FAM13C: variants seen among roughly 807,000 people sequenced by gnomAD.
The protein encoded by FAM13C is family with sequence similarity 13 member C.
In FAM13C, 37 loss-of-function variants were observed where a neutral mutation model predicts 73.2. The observed-to-expected ratio is 0.51, with a 90% CI of 0.39 to 0.67. The LOEUF (loss-of-function observed/expected upper bound fraction) is 0.67, where lower values mean the gene tolerates loss of function less well. FAM13C is among the 30% of genes least tolerant of loss of function. The probability of loss-of-function intolerance (pLI) is 0.00; values close to 1 mark genes in which losing one functional copy is unlikely to be tolerated. For synonymous variants in FAM13C, 246 were observed against 260.9 expected (o/e 0.94, Z 0.55); for missense variants, 589 against 715.6 (o/e 0.82, Z 2.02).
chr10:59,340,950 G>T (rs1224616609), intron 3 of FAM13C, among the ~76,000 whole-genome samples: 2 of 151,998 alleles, frequency 1.3e-5, no homozygotes, highest in East Asian at 3.9e-4. Flanking sequence ...CGCTCTCTGG[G>T]TTCCTAAATC....
chr10:59,268,513 C>A (rs1394975857), intron 8 of FAM13C, 40 bp downstream of exon 8: 1 of 1,608,680 alleles, frequency 6.2e-7, no homozygotes, highest in Non-Finnish European at 8.5e-7. Context: ...CCAGACACCT[C>A]TGACCAATCC....
intron 8 of FAM13C, among the ~76,000 whole-genome samples, chr10:59,266,608 C>T (rs1457873068): frequency 2.0e-5 from 3 of 152,158 alleles, no homozygotes; most frequent in Non-Finnish European, 4.4e-5. Flanking sequence ...GCAGCGGTGA[C>T]CAAGGAGCTT....
Position 59,356,942 on chromosome 10 carries a change from T to C in FAM13C, c.63-999A>G, listed in dbSNP as rs371472504. 9.9e-4 allele frequency among the ~76,000 whole-genome samples: 151 copies of C among 152,322 alleles called. 2 individuals carry two copies. In the South Asian group the frequency reaches 0.031, roughly 31 times the overall value. ...CCATCTGGCCTTCATCTTCCTCTTG[T>C]GCTGGATGCTTCCAGCCTTTGAACA... On this transcript the variant is annotated intron_variant, in intron 1 of 13. Coordinates refer to ENST00000618804, the MANE Select transcript of FAM13C (RefSeq NM_198215.4).
At chr10:59,311,694 T>C (rs1248864799) in intron 4 of FAM13C, among the ~76,000 whole-genome samples, 1 of 152,178 alleles carries the variant, frequency 6.6e-6, no homozygotes, top group East Asian at 1.9e-4. Context: ...GTGTGGCAGA[T>C]TTAACTCCCC....
At chr10:59,264,522 T>TACCC (rs1842830619) in intron 8 of FAM13C, among the ~76,000 whole-genome samples, 1 of 152,160 alleles carries the variant, frequency 6.6e-6, no homozygotes, top group African/African-American at 2.4e-5. Flanking sequence ...AGCCCATATA[T>TACCC]ACCCCATTGC....
chr10:59,335,332 A>T (rs1589664465), intron 3 of FAM13C, among the ~76,000 whole-genome samples: 1 of 152,336 alleles, frequency 6.6e-6, no homozygotes, highest in African/African-American at 2.4e-5. Context: ...ACTTGGGAAA[A>T]GCCTAAGGAC....
intron 3 of FAM13C, among the ~76,000 whole-genome samples, chr10:59,336,215 T>C (rs1471939765): frequency 1.3e-5 from 2 of 152,146 alleles, no homozygotes. Context: ...CAGACTCTTC[T>C]GCATTCTAAA....
At chr10:59,334,966 C>T (rs1852530314) in intron 3 of FAM13C, among the ~76,000 whole-genome samples, 1 of 152,088 alleles carries the variant, frequency 6.6e-6, no homozygotes, top group Non-Finnish European at 1.5e-5. Context: ...TTCAGTAATA[C>T]CCAAGGTGCT....
At position 59,268,631 on chromosome 10, in the gene FAM13C, C is replaced by G. The variant is rs1250492766; in HGVS notation, c.864G>C (p.Gln288His). The change falls in exon 8 of 14, where the codon CAG becomes CAC. Residue 288 changes from glutamine to histidine, a missense_variant. Transcript: ENST00000618804. ...TGAGGCTCTGGATGTGCTTGGTGAG[C>G]TGGGTGATGGTCTGTGGCTCCTTGC... ...GDGKEPQTIT[Q>H]LTKHIQSLKR... The G allele has an allele frequency of 1.9e-6, 3 of 1,613,584 alleles. No homozygotes were observed. Among genetic ancestry groups the G allele is most frequent in the South Asian group, 1.1e-5 (1 of 91,048 alleles).
chr10:59,323,281 A>T (rs1240405600), intron 4 of FAM13C: 2 of 152,364 alleles, frequency 1.3e-5, no homozygotes, highest in East Asian at 3.8e-4. Context: ...GACAGCTGCA[A>T]TGCCAGGCTC....
intron 3 of FAM13C, among the ~76,000 whole-genome samples, chr10:59,349,812 A>T (rs1235441188): frequency 1.3e-5 from 2 of 152,142 alleles, no homozygotes; most frequent in Non-Finnish European, 2.9e-5. Flanking sequence ...GGAAAATTTT[A>T]TGTTGGTTAT....
At chr10:59,324,207 C>T (rs1449815587) in intron 3 of FAM13C, 101 bp from the exon 4 acceptor site, 2 of 857,300 alleles carry the variant, frequency 2.3e-6, no homozygotes, top group Admixed American at 2.3e-5. Flanking sequence ...AGCAGCAATG[C>T]ATAACACATT....
At chr10:59,301,077 T>C (rs1261373371) in intron 5 of FAM13C, 1 of 152,248 alleles carries the variant, frequency 6.6e-6, no homozygotes, top group African/African-American at 2.4e-5. Flanking sequence ...CTGGGAATGA[T>C]ACAGGACATT....
intron 4 of FAM13C, 73 bp downstream of exon 4, chr10:59,323,915 G>T: frequency 8.1e-7 from 1 of 1,231,948 alleles, no homozygotes; most frequent in Non-Finnish European, 1.2e-6. Flanking sequence ...TCTTGTGTGG[G>T]AGTGGCAAGC....
At chr10:59,358,418 C>G (rs553891540) in intron 1 of FAM13C, among the ~76,000 whole-genome samples, 1 of 152,298 alleles carries the variant, frequency 6.6e-6, no homozygotes, top group Non-Finnish European at 1.5e-5. Flanking sequence ...AACCAACCTT[C>G]TTTACTTTCT....
At chr10:59,265,129 C>A (rs545243145) in intron 8 of FAM13C, among the ~76,000 whole-genome samples, 1 of 152,086 alleles carries the variant, frequency 6.6e-6, no homozygotes, top group African/African-American at 2.4e-5. Context: ...ACAGGATCAT[C>A]ACGTGTACAT....
chr10:59,310,566 AC>A (rs2133927110), intron 4 of FAM13C, among the ~76,000 whole-genome samples: 1 of 152,298 alleles, frequency 6.6e-6, no homozygotes, highest in African/African-American at 2.4e-5. Flanking sequence ...AACTTCAAAG[AC>A]TAAAAAAAAA....
intron 4 of FAM13C, among the ~76,000 whole-genome samples, chr10:59,309,123 G>A (rs73300155): frequency 1.3e-5 from 2 of 152,244 alleles, no homozygotes; most frequent in South Asian, 2.1e-4. Context: ...GGAAGACAAC[G>A]GACAGCTATC....
intron 3 of FAM13C, among the ~76,000 whole-genome samples, chr10:59,337,728 A>T (rs1157974106): frequency 1.7e-5 from 2 of 118,604 alleles, no homozygotes; most frequent in Non-Finnish European, 1.6e-5. Context: ...CACCCAGGCT[A>T]GAGTGCAATG....
Sources: gnomAD v4.1 joint callset for allele counts (sites outside exome capture counted in the v4.1 genomes callset) on GRCh38, gnomAD v4.1.1 for gene constraint, MANE v1.5 for transcripts, NCBI Gene and HGNC (gene_info 2026-07-23, HGNC 2026-07-21) for gene names.